SCLT1: variants seen among roughly 807,000 people sequenced by gnomAD.
SCLT1 encodes sodium channel-associated protein 1.
SCLT1 carries 78 observed loss-of-function variants against 112.8 expected under a neutral mutation model. The ratio of observed to expected loss-of-function variants is 0.69; its 90% confidence interval spans 0.58 to 0.83. The LOEUF is 0.83. Ranked by LOEUF, SCLT1 falls within the 40% of genes least tolerant of loss-of-function variation. SCLT1 has a pLI of 0.00. For missense variants in SCLT1, 747 were observed against 770.4 expected (o/e 0.97, Z 0.36); for synonymous variants, 257 against 254.7 (o/e 1.01, Z -0.09).
In SCLT1 at chr4:128,884,479, A is replaced by G. The variant is rs142473295; in HGVS notation, c.2065T>C (p.Ter689GlnextTer4). ...AASLMNLENI[*>Q] is the part of the protein sequence containing the mutation. ...CTGTGAGTGAACTATGAATATTTTT[A>G]AATATTTTCCAGATTCATCAGGGAG... is the stretch of plus-strand genomic sequence containing the variant. The change falls in exon 21 of 21, where the codon TAA (stop) becomes CAA (glutamine). Residue 689 changes from the stop codon to glutamine, a stop_lost. Coordinates refer to ENST00000281142, the MANE Select transcript of SCLT1 (RefSeq NM_144643.4). The G allele has an allele frequency of 1.2e-4, 189 of 1,581,812 alleles. No individual in the cohort carries two copies. Among genetic ancestry groups the G allele is most frequent in the Non-Finnish European group, 6.0e-5 (69 of 1,152,130 alleles).
chr4:128,998,407 T>C (rs2126079983), intron 7 of SCLT1, among the ~76,000 whole-genome samples: 1 of 152,016 alleles, frequency 6.6e-6, no homozygotes, highest in Admixed American at 6.6e-5. Flanking sequence ...TGATTAGCTG[T>C]TATGATTCTA....
intron 5 of SCLT1, among the ~76,000 whole-genome samples, chr4:129,013,819 G>A (rs567747956): frequency 6.6e-6 from 1 of 152,228 alleles, no homozygotes; most frequent in African/African-American, 2.4e-5. Flanking sequence ...TCTAACTAGG[G>A]TTCTCTACAT....
In SCLT1 at chr4:128,992,198, CACTT is replaced by C; in HGVS notation, c.651_654del (p.Ser218Ter). On this transcript the variant is annotated frameshift_variant, in exon 9 of 21. Transcript: ENST00000281142. LOFTEE classifies it high-confidence loss of function. ...TTTTTTCGGAGTTGTTCGATTATCA[CACTT>C]TGTTCAGTTACTGTTTTCAGAAACT... The C allele has an allele frequency of 6.2e-7, 1 of 1,601,042 alleles. No homozygotes were observed. The highest frequency in any genetic ancestry group is 8.5e-7 in the Non-Finnish European group (1 of 1,172,518).
intron 5 of SCLT1, among the ~76,000 whole-genome samples, chr4:129,016,964 A>G (rs1745047217): frequency 6.6e-6 from 1 of 152,076 alleles, no homozygotes. Context: ...TGATTTATTT[A>G]TTTTCAATTT....
chr4:128,899,889 A>G (rs1314794902), intron 18 of SCLT1, among the ~76,000 whole-genome samples: 1 of 152,168 alleles, frequency 6.6e-6, no homozygotes, highest in African/African-American at 2.4e-5. Flanking sequence ...TAACAGACAA[A>G]CAGAGAGCCA....
intron 9 of SCLT1, among the ~76,000 whole-genome samples, chr4:128,987,460 A>T (rs989725912): frequency 6.6e-6 from 1 of 152,210 alleles, no homozygotes; most frequent in Non-Finnish European, 1.5e-5. Context: ...TCAAGACAAC[A>T]GAAGGAATTC....
At chr4:128,987,227 A>G (rs1156881845) in intron 9 of SCLT1, among the ~76,000 whole-genome samples, 1 of 152,184 alleles carries the variant, frequency 6.6e-6, no homozygotes, top group Non-Finnish European at 1.5e-5. Context: ...TCTAGAAGGA[A>G]GAATACAAAC....
intron 5 of SCLT1, among the ~76,000 whole-genome samples, chr4:129,027,849 T>A (rs900178548): frequency 6.6e-6 from 1 of 152,142 alleles, no homozygotes; most frequent in East Asian, 1.9e-4. Context: ...AAAATCAATA[T>A]ACAAAAATCA....
chr4:128,900,545 T>TA (rs1454011168), intron 18 of SCLT1, among the ~76,000 whole-genome samples: 1 of 152,312 alleles, frequency 6.6e-6, no homozygotes, highest in East Asian at 1.9e-4. Flanking sequence ...ATTAAAGACT[T>TA]AAATGTTAGA....
intron 4 of SCLT1, chr4:128,876,469 C>T (rs1214564826): frequency 6.6e-6 from 1 of 152,198 alleles, no homozygotes; most frequent in African/African-American, 2.4e-5. Context: ...GACTCACGTT[C>T]ATGTTTTCAC....
intron 5 of SCLT1, among the ~76,000 whole-genome samples, chr4:129,017,687 G>C (rs558954849): frequency 6.6e-6 from 1 of 152,220 alleles, no homozygotes; most frequent in South Asian, 2.1e-4. Flanking sequence ...CAAAATGTAA[G>C]AGCCAAAGGA....
chr4:128,951,497 G>A (rs1312428313), intron 14 of SCLT1, among the ~76,000 whole-genome samples: 1 of 152,060 alleles, frequency 6.6e-6, no homozygotes, highest in Non-Finnish European at 1.5e-5. Flanking sequence ...AGCTAACAAC[G>A]ATTTGAAAAA....
intron 2 of SCLT1, among the ~76,000 whole-genome samples, chr4:129,056,308 T>A (rs1051712323): frequency 1.3e-5 from 2 of 152,188 alleles, no homozygotes; most frequent in African/African-American, 4.8e-5. Flanking sequence ...TCTTGGCACC[T>A]TTTTTGAAAT....
chr4:129,024,189 G>A (rs993140165), intron 5 of SCLT1, among the ~76,000 whole-genome samples: 9 of 152,220 alleles, frequency 5.9e-5, no homozygotes, highest in African/African-American at 1.7e-4. Flanking sequence ...AGAGAGCAGT[G>A]GTTTTCCCAG....
intron 18 of SCLT1, among the ~76,000 whole-genome samples, chr4:128,892,218 G>A (rs1733384094): frequency 1.3e-5 from 2 of 152,128 alleles, no homozygotes. Flanking sequence ...AAGAGTTTCA[G>A]GTTAAGGGTA....
chr4:129,093,459 G>A lies in SCLT1; in HGVS notation c.-356C>T, dbSNP rs1753037634. 7.5e-6 allele frequency: 2 copies of A among 265,008 alleles called. No homozygotes were observed. Among genetic ancestry groups the A allele is most frequent in the East Asian group, 1.5e-4 (2 of 13,720 alleles). 16.4% of individuals were successfully genotyped at this position (265,008 alleles called of 1,614,324 possible). A position where few individuals can be genotyped will look rare whatever the true frequency, so the allele number is the denominator to read the frequency against. ...GCGGGAGCTTGACGGCAGCCTGAGAGCGGCGTTCTACGCGGAGCGGCGGGG... is the reference window on the plus strand; with the variant it reads ...GCGGGAGCTTGACGGCAGCCTGAGAACGGCGTTCTACGCGGAGCGGCGGGG... On this transcript the variant is annotated 5_prime_UTR_variant, in exon 1 of 21. Coordinates refer to ENST00000281142, the MANE Select transcript of SCLT1 (RefSeq NM_144643.4).
intron 18 of SCLT1, among the ~76,000 whole-genome samples, chr4:128,913,483 A>G (rs1412076294): frequency 1.3e-5 from 2 of 152,214 alleles, no homozygotes; most frequent in African/African-American, 4.8e-5. Flanking sequence ...CACCAAAGAG[A>G]GTAGAATATA....
intron 5 of SCLT1, among the ~76,000 whole-genome samples, chr4:129,024,053 G>C (rs1745766012): frequency 6.6e-6 from 1 of 152,190 alleles, no homozygotes; most frequent in South Asian, 2.1e-4. Context: ...GAACTGGGTG[G>C]AGCCCACCAC....
chr4:129,051,458 A>C (rs1361508247), intron 2 of SCLT1, among the ~76,000 whole-genome samples: 4 of 152,084 alleles, frequency 2.6e-5, no homozygotes, highest in Non-Finnish European at 5.9e-5. Flanking sequence ...TGTAAGTTGT[A>C]TTCCTAGGTA....
Sources: allele counts gnomAD v4.1 joint callset (sites outside exome capture counted in the v4.1 genomes callset), GRCh38; gene constraint gnomAD v4.1.1; transcripts MANE v1.5; gene names NCBI Gene and HGNC (gene_info 2026-07-23, HGNC 2026-07-21).